The following PALM2AKAP2 variants were observed in gnomAD, a reference collection of about 807,000 sequenced individuals.
PALM2AKAP2 encodes the protein PALM2 and AKAP2 fusion.
A neutral mutation model predicts 71.5 loss-of-function variants in PALM2AKAP2; 37 were observed. The observed-to-expected ratio is 0.52, with a 90% CI of 0.40 to 0.68. PALM2AKAP2 has a LOEUF of 0.68. Among genes scored for constraint, PALM2AKAP2 ranks in the 30% least tolerant of loss-of-function variants. The pLI is 0.00. For synonymous variants in PALM2AKAP2, 468 were observed against 478.8 expected (o/e 0.98, Z 0.29); for missense variants, 1,224 against 1,191.8 (o/e 1.03, Z -0.40).
intron 1 of PALM2AKAP2, among the ~76,000 whole-genome samples, chr9:110,106,023 T>A (rs931392232): frequency 6.6e-6 from 1 of 152,222 alleles, no homozygotes; most frequent in Non-Finnish European, 1.5e-5. Flanking sequence ...AGAGCCAAAT[T>A]CACTACTCTG....
chr9:109,926,684 C>T (rs951596169), intron 5 of PALM2AKAP2, among the ~76,000 whole-genome samples: 7 of 152,162 alleles, frequency 4.6e-5, no homozygotes, highest in African/African-American at 1.7e-4. Flanking sequence ...GCCTTTTATG[C>T]TTTCACTTTT....
intron 7 of PALM2AKAP2, among the ~76,000 whole-genome samples, chr9:110,029,634 C>T (rs1833243154): frequency 6.6e-6 from 1 of 152,192 alleles, no homozygotes; most frequent in Non-Finnish European, 1.5e-5. Context: ...TAAGAATAAT[C>T]TGTCCCAATC....
rs116689121 is a variant in PALM2AKAP2 at position 109,767,684 on chromosome 9, G to A, written c.6-12804G>A. Among the ~76,000 whole-genome samples, 899 of 152,244 alleles carry A rather than the reference G, an allele frequency of 5.9e-3. 10 individuals carry two copies. Among genetic ancestry groups the A allele is most frequent in the South Asian group, 0.023 (111 of 4,826 alleles). On this transcript the variant is annotated intron_variant, in intron 1 of 6. Transcript: ENST00000374531. ...CATGACTCCATCGCTGGCTTCATTC[G>A]GGGCTGTCTGATTGTCACTTCCTCC... is the stretch of plus-strand genomic sequence containing the variant.
At chr9:109,953,961 A>G (rs981440191) in intron 6 of PALM2AKAP2, among the ~76,000 whole-genome samples, 1 of 152,002 alleles carries the variant, frequency 6.6e-6, no homozygotes, top group Non-Finnish European at 1.5e-5. Context: ...CTTATTTTGC[A>G]CCTTTACCTA....
chr9:110,127,948 C>G (rs1835651511), intron 1 of PALM2AKAP2: 1 of 152,294 alleles, frequency 6.6e-6, no homozygotes, highest in African/African-American at 2.4e-5. Context: ...CTCTGAGGAC[C>G]TCGCACGGCC....
intron 1 of PALM2AKAP2, among the ~76,000 whole-genome samples, chr9:110,059,811 G>A (rs1240677764): frequency 6.6e-6 from 1 of 152,178 alleles, no homozygotes; most frequent in African/African-American, 2.4e-5. Flanking sequence ...AGGGAGCTAT[G>A]GGGAATGACT....
intron 1 of PALM2AKAP2, among the ~76,000 whole-genome samples, chr9:109,691,293 C>T (rs937224164): frequency 2.6e-5 from 4 of 151,950 alleles, no homozygotes; most frequent in African/African-American, 9.7e-5. Flanking sequence ...TCTGATTTAA[C>T]AGTAAAGTAG....
intron 3 of PALM2AKAP2, among the ~76,000 whole-genome samples, chr9:109,902,787 T>C (rs1343061352): frequency 2.6e-5 from 4 of 152,132 alleles, no homozygotes; most frequent in Non-Finnish European, 5.9e-5. Context: ...AAGATACATA[T>C]GACCGACGCC....
chr9:110,100,699 G>A (rs761765321), intron 1 of PALM2AKAP2, among the ~76,000 whole-genome samples: 1 of 152,180 alleles, frequency 6.6e-6, no homozygotes. Context: ...TTGCATCAGG[G>A]GGATTGTGTT....
chr9:109,906,975 A>G (rs916841757), intron 3 of PALM2AKAP2, among the ~76,000 whole-genome samples: 4 of 152,154 alleles, frequency 2.6e-5, no homozygotes, highest in Non-Finnish European at 4.4e-5. Flanking sequence ...AGAGGTCCTC[A>G]TTCACTCACT....
At chr9:109,647,020 C>T (rs1256499074) in intron 1 of PALM2AKAP2, among the ~76,000 whole-genome samples, 1 of 152,204 alleles carries the variant, frequency 6.6e-6, no homozygotes, top group Non-Finnish European at 1.5e-5. Flanking sequence ...TCCATTCTCT[C>T]ACTCATATCT....
chr9:109,694,784 T>C (rs1827945057), intron 1 of PALM2AKAP2, among the ~76,000 whole-genome samples: 9 of 152,046 alleles, frequency 5.9e-5, no homozygotes, highest in Admixed American at 5.9e-4. Flanking sequence ...AGTTTATAAC[T>C]GCTGTAATTC....
At position 110,056,051 on chromosome 9, in the gene PALM2AKAP2, A is replaced by C. The variant is rs112830990; in HGVS notation, c.156+7196A>C. Among the ~76,000 whole-genome samples the C allele has an allele frequency of 6.4e-3, 980 of 152,282 alleles. 12 individuals are homozygous for C. Among genetic ancestry groups the C allele is most frequent in the South Asian group, 0.047 (225 of 4,826 alleles). ...GACCCATGAAAGGTGCCATGCCGTC[A>C]CCCAGTAGGGGGCAGGGAGGGACCC... On this transcript the variant is annotated intron_variant, in intron 1 of 3. Coordinates refer to ENST00000374525, the Ensembl canonical transcript of PALM2AKAP2.
chr9:110,114,032 G>T (rs1341612391), intron 1 of PALM2AKAP2, among the ~76,000 whole-genome samples: 1 of 152,196 alleles, frequency 6.6e-6, no homozygotes, highest in Non-Finnish European at 1.5e-5. Context: ...AGCCTCAGAA[G>T]GTAGGTGTAT....
intron 1 of PALM2AKAP2, among the ~76,000 whole-genome samples, chr9:110,114,755 C>A (rs922287083): frequency 6.6e-6 from 1 of 152,190 alleles, no homozygotes; most frequent in African/African-American, 2.4e-5. Context: ...CAGGATGAAG[C>A]AGAGGCTTTG....
chr9:110,169,748 G>A (rs1444739738), exon 4 of PALM2AKAP2: 5 of 152,558 alleles, frequency 3.3e-5, no homozygotes, highest in African/African-American at 7.2e-5. Flanking sequence ...TGGGGTGTGT[G>A]TGGATGTGTG....
chr9:109,645,808 C>A (rs1378632660), intron 1 of PALM2AKAP2, among the ~76,000 whole-genome samples: 1 of 152,034 alleles, frequency 6.6e-6, no homozygotes, highest in Non-Finnish European at 1.5e-5. Flanking sequence ...GTACAGTGTT[C>A]ACTATTTGGG....
intron 3 of PALM2AKAP2, among the ~76,000 whole-genome samples, 195 bp downstream of exon 10, chr9:110,162,327 T>C (rs1836622038): frequency 6.6e-6 from 1 of 152,020 alleles, no homozygotes; most frequent in Admixed American, 6.6e-5. Context: ...TGATATACAA[T>C]GGTGTGGTTT....
chr9:110,107,156 A>T (rs1306060887), intron 1 of PALM2AKAP2, among the ~76,000 whole-genome samples: 3 of 152,202 alleles, frequency 2.0e-5, no homozygotes, highest in East Asian at 1.9e-4. Flanking sequence ...TGGTTTTTTT[A>T]AAAAATGAGT....
Sources: gnomAD v4.1 joint callset for allele counts (sites outside exome capture counted in the v4.1 genomes callset) on GRCh38, gnomAD v4.1.1 for gene constraint, MANE v1.5 for transcripts, NCBI Gene and HGNC (gene_info 2026-07-23, HGNC 2026-07-21) for gene names.